The following PPARGC1A variants were observed in gnomAD, a reference collection of about 807,000 sequenced individuals.
PPARGC1A encodes PPARG coactivator 1 alpha, also known as peroxisome proliferator-activated receptor gamma coactivator 1-alpha.
In PPARGC1A, 25 loss-of-function variants were observed where a neutral mutation model predicts 88.7. The ratio of observed to expected loss-of-function variants is 0.28; its 90% CI spans 0.21 to 0.39. PPARGC1A has a LOEUF of 0.39. Ranked by LOEUF, PPARGC1A falls within the 10% of genes least tolerant of loss-of-function variation. The pLI is 1.00. For synonymous variants in PPARGC1A, 363 were observed against 355.6 expected (o/e 1.02, Z -0.24); for missense variants, 880 against 968.7 (o/e 0.91, Z 1.22).
At chr4:24,022,447 T>C in the PPARGC1A span, among the ~76,000 whole-genome samples, 1 of 152,124 alleles carries the variant, frequency 6.6e-6, no homozygotes, top group African/African-American at 2.4e-5. Flanking sequence ...TTGGACCCTC[T>C]CCCTTGCCAA....
chr4:24,283,467 G>A, the PPARGC1A span, among the ~76,000 whole-genome samples: 45 of 152,152 alleles, frequency 3.0e-4, no homozygotes, highest in African/African-American at 9.9e-4. Context: ...CGAAGGAAAC[G>A]GCTTCATTTA....
chr4:24,276,134 A>G, the PPARGC1A span, among the ~76,000 whole-genome samples: 1 of 152,346 alleles, frequency 6.6e-6, no homozygotes, highest in East Asian at 1.9e-4. Flanking sequence ...GTACATTTAC[A>G]CTAGAGTTCC....
At chr4:24,054,454 T>G in the PPARGC1A span, among the ~76,000 whole-genome samples, 1 of 152,232 alleles carries the variant, frequency 6.6e-6, no homozygotes, top group African/African-American at 2.4e-5. Context: ...ATTTTCAACA[T>G]TTATGCTTAT....
the PPARGC1A span, among the ~76,000 whole-genome samples, chr4:24,103,595 C>CAAAAAAAAAAAAAA: frequency 8.2e-6 from 1 of 121,582 alleles, no homozygotes; most frequent in East Asian, 2.6e-4. Flanking sequence ...TGCCTTCTTC[C>CAAAAAAAAAAAAAA]AAAAAAAAAA....
chr4:23,920,813 C>G, the PPARGC1A span, among the ~76,000 whole-genome samples: 10 of 152,170 alleles, frequency 6.6e-5, no homozygotes, highest in African/African-American at 2.4e-4. Flanking sequence ...TGACTGAAGC[C>G]AGGACAGACT....
In PPARGC1A at chr4:23,794,680, C is replaced by CA. The variant is rs1479109416; in HGVS notation, c.*1141dup. On this transcript the variant is annotated 3_prime_UTR_variant, in exon 13 of 13. Coordinates refer to ENST00000264867, the MANE Select transcript of PPARGC1A (RefSeq NM_013261.5). ...CTGCATTTACAGTGCATAGCTGTAA[C>CA]AAAAAAGAACATTGTTGTATAGTAT... The CA allele has an allele frequency of 2.6e-5, 4 of 152,228 alleles. No homozygotes were observed. The highest frequency in any genetic ancestry group is 5.9e-5 in the Non-Finnish European group (4 of 67,942). The allele number at this position is 152,228 out of a possible 1,614,324, so 9.4% of individuals were successfully genotyped here.
At chr4:24,272,140 G>A in the PPARGC1A span, among the ~76,000 whole-genome samples, 1 of 152,090 alleles carries the variant, frequency 6.6e-6, no homozygotes, top group Non-Finnish European at 1.5e-5. Flanking sequence ...GAGTCCATGG[G>A]ATGATGCTAT....
chr4:23,831,062 C>T (rs1724916852), intron 3 of PPARGC1A, among the ~76,000 whole-genome samples: 2 of 152,088 alleles, frequency 1.3e-5, no homozygotes, highest in South Asian at 4.1e-4. Context: ...GAAGAAAAAA[C>T]TAAATATCCA....
the PPARGC1A span, among the ~76,000 whole-genome samples, chr4:23,913,265 T>TAGAGAGAGAG: frequency 1.7e-5 from 1 of 58,810 alleles, no homozygotes; most frequent in African/African-American, 8.7e-5. Context: ...TATATATATA[T>TAGAGAGAGAG]ATAGAGAGAG....
the PPARGC1A span, among the ~76,000 whole-genome samples, chr4:24,189,737 C>T: frequency 3.9e-5 from 6 of 152,230 alleles, no homozygotes; most frequent in Non-Finnish European, 5.9e-5. Flanking sequence ...TCTAAGCACC[C>T]GGCACCCTCA....
At position 23,807,114 on chromosome 4, in the gene PPARGC1A, G is replaced by A. The variant is rs116269639; in HGVS notation, c.2020-4769C>T. Among the ~76,000 whole-genome samples, 1,180 of 152,212 alleles carry A rather than the reference G, an allele frequency of 7.8e-3. 11 individuals are homozygous for A. Among genetic ancestry groups the A allele is most frequent in the African/African-American group, 0.024 (1,012 of 41,560 alleles). Reference sequence around the variant, plus strand: ...ACTAGTGTTCATTCCTAGATTAGCTGTAACCTGACTGCCTCAAAAATTGCA... The same window carrying A: ...ACTAGTGTTCATTCCTAGATTAGCTATAACCTGACTGCCTCAAAAATTGCA... On this transcript the variant is annotated intron_variant, in intron 10 of 12. Coordinates refer to ENST00000264867, the MANE Select transcript of PPARGC1A (RefSeq NM_013261.5).
the PPARGC1A span, among the ~76,000 whole-genome samples, chr4:24,450,144 A>G: frequency 5.3e-4 from 81 of 152,342 alleles, no homozygotes; most frequent in African/African-American, 1.9e-3. Flanking sequence ...GAAACAAATG[A>G]CTGGGTCAAG....
the PPARGC1A span, among the ~76,000 whole-genome samples, chr4:24,064,597 A>G: frequency 2.0e-5 from 3 of 152,022 alleles, no homozygotes; most frequent in Non-Finnish European, 4.4e-5. Context: ...ATATAAAGAC[A>G]CACAGCTCAT....
chr4:23,853,988 G>A (rs1401930806), intron 2 of PPARGC1A, among the ~76,000 whole-genome samples: 2 of 152,158 alleles, frequency 1.3e-5, no homozygotes, highest in East Asian at 3.9e-4. Flanking sequence ...CTGCCTCACA[G>A]GTTGTTGTAA....
At chr4:24,017,220 C>G in the PPARGC1A span, among the ~76,000 whole-genome samples, 1 of 151,850 alleles carries the variant, frequency 6.6e-6, no homozygotes, top group Admixed American at 6.6e-5. Context: ...CTCTGGCAAC[C>G]AATTAAAAAA....
At chr4:24,164,126 TTC>T in the PPARGC1A span, among the ~76,000 whole-genome samples, 1 of 152,242 alleles carries the variant, frequency 6.6e-6, no homozygotes, top group Non-Finnish European at 1.5e-5. Context: ...CTTATTTTTC[TTC>T]TCTGATATTA....
chr4:23,905,564 G>A (rs1719935339), upstream of PPARGC1A, among the ~76,000 whole-genome samples: 1 of 152,060 alleles, frequency 6.6e-6, no homozygotes, highest in Non-Finnish European at 1.5e-5. Flanking sequence ...TAGATTTGGT[G>A]GCTAGAATAA....
At chr4:24,019,684 T>G in the PPARGC1A span, among the ~76,000 whole-genome samples, 1 of 152,130 alleles carries the variant, frequency 6.6e-6, no homozygotes, top group Non-Finnish European at 1.5e-5. Flanking sequence ...CTTTAACACC[T>G]CAGAAAATGG....
the PPARGC1A span, among the ~76,000 whole-genome samples, chr4:24,354,893 A>C: frequency 6.6e-6 from 1 of 151,496 alleles, no homozygotes; most frequent in East Asian, 1.9e-4. Context: ...AAAAAAAACA[A>C]AAACAAACAA....
Sources: allele counts gnomAD v4.1 joint callset (sites outside exome capture counted in the v4.1 genomes callset), GRCh38; gene constraint gnomAD v4.1.1; transcripts MANE v1.5; gene names NCBI Gene and HGNC (gene_info 2026-07-23, HGNC 2026-07-21).